SRSF10: variants seen among roughly 807,000 people sequenced by gnomAD.
The protein encoded by SRSF10 is serine/arginine-rich splicing factor 10.
SRSF10 carries 9 observed loss-of-function variants against 32.6 expected under a neutral mutation model. The ratio of observed to expected loss-of-function variants is 0.28; its 90% CI spans 0.17 to 0.48. The LOEUF (loss-of-function observed/expected upper bound fraction) is 0.48, where lower values mean the gene tolerates loss of function less well. Among genes scored for constraint, SRSF10 ranks in the 20% least tolerant of loss-of-function variants. The pLI is 0.99. For missense variants in SRSF10, 201 were observed against 331.8 expected (o/e 0.61, Z 3.06); for synonymous variants, 105 against 112.4 (o/e 0.93, Z 0.42).
chr1:23,971,753 A>T, intron 4 of SRSF10, 97 bp downstream of exon 4: 1 of 1,477,378 alleles, frequency 6.8e-7, no homozygotes, highest in Non-Finnish European at 9.2e-7. Flanking sequence ...TGAAACATTC[A>T]ATGTATATAA....
At position 23,965,887 on chromosome 1, in the gene SRSF10, A is replaced by C. The variant is rs1641425378; in HGVS notation, c.*5255T>G. 6.6e-6 allele frequency: 1 copy of C among 151,948 alleles called. No homozygotes were observed. 9.4% of individuals were successfully genotyped at this position (151,948 alleles called of 1,614,324 possible). A position where few individuals can be genotyped will look rare whatever the true frequency, so the allele number is the denominator to read the frequency against. On this transcript the variant is annotated 3_prime_UTR_variant, in exon 6 of 6. Transcript: ENST00000492112. ...GAAATGGAGAAGGGAGGTAGAGGGC[A>C]AAAAAGTCTATAGCCTCTACATATT...
At chr1:23,980,170 G>C (rs938589686) in intron 1 of SRSF10, 21 bp downstream of exon 1, 17 of 1,532,718 alleles carry the variant, frequency 1.1e-5, no homozygotes, top group Admixed American at 4.0e-5. Flanking sequence ...CCTAGGCCCG[G>C]AGTACCTGCC....
chr1:23,974,905 A>G, intron 3 of SRSF10, 69 bp downstream of exon 3: 2 of 1,200,634 alleles, frequency 1.7e-6, no homozygotes, highest in Non-Finnish European at 2.4e-6. Flanking sequence ...AATTGCTTAA[A>G]TTCTTAAAAA....
chr1:23,971,780 T>G, intron 4 of SRSF10, 70 bp downstream of exon 4: 1 of 1,525,834 alleles, frequency 6.6e-7, no homozygotes, highest in Non-Finnish European at 8.9e-7. Context: ...GTATACAAAA[T>G]AGTAAAAAAA....
intron 3 of SRSF10, among the ~76,000 whole-genome samples, chr1:23,972,399 C>CAA (rs1193137538): frequency 2.9e-5 from 4 of 139,428 alleles, no homozygotes; most frequent in Admixed American, 7.1e-5. Flanking sequence ...ACCCTGTCTC[C>CAA]AAAAAAAAAA....
chr1:23,971,770 G>C (rs1266777423), intron 4 of SRSF10, 80 bp downstream of exon 4: 1 of 1,500,674 alleles, frequency 6.7e-7, no homozygotes, highest in Non-Finnish European at 9.1e-7. Context: ...ATAATTAAAA[G>C]TATACAAAAT....
At position 23,969,871 on chromosome 1, in the gene SRSF10, G is replaced by A. The variant is rs1641639787; in HGVS notation, c.*1271C>T. The A allele has an allele frequency of 1.0e-6, 1 of 985,298 alleles. No individual in the cohort carries two copies. The highest frequency in any genetic ancestry group is 1.2e-6 in the Non-Finnish European group (1 of 829,926). The allele number at this position is 985,298 out of a possible 1,614,324, so 61.0% of individuals were successfully genotyped here. A position where few individuals can be genotyped will look rare whatever the true frequency, so the allele number is the denominator to read the frequency against. ...ATGGCACCACAGAATCACCTAGAAT[G>A]AGTGTTGTCTTACAACTTGCCTCGT... On this transcript the variant is annotated 3_prime_UTR_variant, in exon 6 of 6. Coordinates refer to ENST00000492112, the MANE Select transcript of SRSF10 (RefSeq NM_054016.4).
chr1:23,974,881 T>G (rs1641993637), intron 3 of SRSF10, 93 bp downstream of exon 3: 12 of 948,870 alleles, frequency 1.3e-5, no homozygotes, highest in Non-Finnish European at 1.5e-5. Flanking sequence ...CTTTGGGTTT[T>G]GAACAGAAAC....
intron 1 of SRSF10, 173 bp from the exon 2 acceptor site, chr1:23,978,990 C>A: frequency 3.9e-6 from 1 of 256,620 alleles, no homozygotes. Context: ...ATGACCACAA[C>A]TTATTTTTAT....
rs935722257 is a variant in SRSF10 at position 23,978,873 on chromosome 1, G to A, written c.66-56C>T. 246 of 1,451,844 alleles carry A rather than the reference G, an allele frequency of 1.7e-4. 3 individuals carry two copies. The Middle Eastern group carries it at 5.8e-3, about 34-fold the overall frequency. The allele number at this position is 1,451,844 out of a possible 1,614,324, so 89.9% of individuals were successfully genotyped here. On this transcript the variant is annotated intron_variant, in intron 1 of 5. Transcript: ENST00000492112. The stretch of plus-strand genomic sequence containing the variant: ...TATGTCCAAGTCCTTAAGATGTATA[G>A]GCAATATATCTTTTTGATGAAGGAA...
chr1:23,970,362 G>A lies in SRSF10; in HGVS notation c.*780C>T, dbSNP rs1377483737. The A allele has an allele frequency of 7.0e-6, 4 of 575,294 alleles. No individual in the cohort carries two copies. The highest frequency in any genetic ancestry group is 1.1e-4 in the African/African-American group (2 of 18,684). The allele number at this position is 575,294 out of a possible 1,614,324, so 35.6% of individuals were successfully genotyped here. A position where few individuals can be genotyped will look rare whatever the true frequency, so the allele number is the denominator to read the frequency against. On this transcript the variant is annotated 3_prime_UTR_variant, in exon 6 of 6. Transcript: ENST00000492112. ...ATAATTATCATTGGCCTAGACATCC[G>A]GTTTTTTTTTTTTTTTGAGACGGAG... is the stretch of plus-strand genomic sequence containing the variant.
At position 23,967,960 on chromosome 1, in the gene SRSF10, CAAAAAAAA is replaced by C. The variant is rs36002299; in HGVS notation, c.*3174_*3181del. On this transcript the variant is annotated 3_prime_UTR_variant, in exon 6 of 6. Transcript: ENST00000492112. ...ATTTTTCTTCTTGCTTACTTGGCTT[CAAAAAAAA>C]AAAAAAAATGCAGAGAGATCTTAAG... 1.7e-5 allele frequency: 25 copies of C among 1,447,864 alleles called. No individual in the cohort carries two copies. In the South Asian group the frequency reaches 3.1e-4, roughly 18 times the overall value. The allele number at this position is 1,447,864 out of a possible 1,614,324, so 89.7% of individuals were successfully genotyped here.
rs1642002577 is a variant in SRSF10 at position 23,975,054 on chromosome 1, T to A, written c.194A>T (p.Glu65Val). 6.2e-7 allele frequency: 1 copy of A among 1,613,900 alleles called. No homozygotes were observed. Among genetic ancestry groups the A allele is most frequent in the Non-Finnish European group, 8.5e-7 (1 of 1,179,898 alleles). Residue 65 changes from glutamate (E) to valine (V), a missense_variant, in exon 3 of 6, where the codon GAA becomes GTA. By Grantham distance (121) the Glu-to-Val change is moderately radical. This residue lies in a region of SRSF10 where 41 missense variants were observed against 109.5 expected (regional missense o/e 0.37). Transcript: ENST00000492112. ...TCTGTCCAAATTATGTAAAGCGTCT[T>A]CAGCATCACGAACATCCTCAAATGT... ...YVQFEDVRDA[E>V]DALHNLDRKW...
Position 23,968,096 on chromosome 1 carries a change from G to GA in SRSF10, c.*3045_*3046insT. 4.2e-6 allele frequency: 6 copies of GA among 1,422,130 alleles called. No individual in the cohort carries two copies. The highest frequency in any genetic ancestry group is 2.8e-6 in the Non-Finnish European group (3 of 1,074,698). The allele number at this position is 1,422,130 out of a possible 1,614,324, so 88.1% of individuals were successfully genotyped here. A position where few individuals can be genotyped will look rare whatever the true frequency, so the allele number is the denominator to read the frequency against. ...ACACAGTAGGTAAACTCAGTAAGTGGGGGACTCAACTACATCACCCAAAAC... is the reference window on the plus strand; with the variant it reads ...ACACAGTAGGTAAACTCAGTAAGTGGAGGGACTCAACTACATCACCCAAAAC... On this transcript the variant is annotated 3_prime_UTR_variant, in exon 6 of 6. Coordinates refer to ENST00000492112, the MANE Select transcript of SRSF10 (RefSeq NM_054016.4).
chr1:23,980,068 C>A (rs1360626678), intron 1 of SRSF10, 123 bp downstream of exon 1: 5 of 1,113,058 alleles, frequency 4.5e-6, no homozygotes, highest in South Asian at 3.1e-5. Flanking sequence ...GGCGCCAAAG[C>A]GGGCGCGGGA....
In SRSF10 at chr1:23,969,913, T is replaced by C. The variant is rs1641643466; in HGVS notation, c.*1229A>G. On this transcript the variant is annotated 3_prime_UTR_variant, in exon 6 of 6. Transcript: ENST00000492112. ...TTGCCTCGTATTAAATAAACTGAGG[T>C]GTGAAAAGCAGGCCTCCCTCATAAA... 1.4e-5 allele frequency: 14 copies of C among 985,372 alleles called. No individual in the cohort carries two copies. Among genetic ancestry groups the C allele is most frequent in the Non-Finnish European group, 1.7e-5 (14 of 829,926 alleles). 61.0% of individuals were successfully genotyped at this position (985,372 alleles called of 1,614,324 possible).
chr1:23,970,563 G>A lies in SRSF10; in HGVS notation c.*579C>T, dbSNP rs369151397. 6.5e-5 allele frequency: 40 copies of A among 616,586 alleles called. No homozygotes were observed. Among genetic ancestry groups the A allele is most frequent in the Middle Eastern group, 8.2e-4 (1 of 1,222 alleles). 38.2% of individuals were successfully genotyped at this position (616,586 alleles called of 1,614,324 possible). A position where few individuals can be genotyped will look rare whatever the true frequency, so the allele number is the denominator to read the frequency against. ...TTTAGTAGAGACGGGGTTTCACCGT[G>A]TTGGTCAGGCTGGTCTCGAACTCCT... On this transcript the variant is annotated 3_prime_UTR_variant, in exon 6 of 6. Coordinates refer to ENST00000492112, the MANE Select transcript of SRSF10 (RefSeq NM_054016.4).
rs1480193895 is a variant in SRSF10 at position 23,966,114 on chromosome 1, G to GT, written c.*5027dup. On this transcript the variant is annotated 3_prime_UTR_variant, in exon 6 of 6. Coordinates refer to ENST00000492112, the MANE Select transcript of SRSF10 (RefSeq NM_054016.4). ...CCCATTGGATTAAACAACAAACATG[G>GT]TAACAAAAGATGAAACAAGTGAAAA... The GT allele has an allele frequency of 2.6e-5, 4 of 151,810 alleles. No homozygotes were observed. The highest frequency in any genetic ancestry group is 2.6e-4 in the Admixed American group (4 of 15,236). The allele number at this position is 151,810 out of a possible 1,614,324, so 9.4% of individuals were successfully genotyped here. A position where few individuals can be genotyped will look rare whatever the true frequency, so the allele number is the denominator to read the frequency against.
chr1:23,974,946 C>T, intron 3 of SRSF10, 28 bp downstream of exon 3: 1 of 1,482,802 alleles, frequency 6.7e-7, no homozygotes, highest in South Asian at 1.2e-5. Flanking sequence ...AATAATGTTT[C>T]ATACATATCA....
Sources: gnomAD v4.1 joint callset for allele counts (sites outside exome capture counted in the v4.1 genomes callset) on GRCh38, gnomAD v4.1.1 for gene constraint, gnomAD v4.1.1 regional missense constraint, MANE v1.5 for transcripts, NCBI Gene and HGNC (gene_info 2026-07-23, HGNC 2026-07-21) for gene names.